The following NOTCH1 variants were observed in gnomAD, a reference collection of about 807,000 sequenced individuals.
The protein encoded by NOTCH1 is neurogenic locus notch homolog protein 1.
In NOTCH1, 37 loss-of-function variants were observed where a neutral mutation model predicts 254.8. That is an observed-to-expected ratio of 0.15 (90% CI 0.11 to 0.19). NOTCH1 has a LOEUF of 0.19. Ranked by LOEUF, NOTCH1 falls within the 10% of genes least tolerant of loss-of-function variation. NOTCH1 has a pLI of 1.00. For missense variants in NOTCH1, 2,972 were observed against 3,708.6 expected, an observed-to-expected ratio of 0.80 and a Z score of 5.16; for synonymous variants, 1,731 against 1,618.1, an observed-to-expected ratio of 1.07 and a Z score of -1.68.
At chr9:136,515,932 G>A in intron 10 of NOTCH1, 49 bp downstream of exon 10, 1 of 1,455,842 alleles carries the variant, frequency 6.9e-7, no homozygotes, top group South Asian at 1.2e-5. Context: ...TGCCCTGAGT[G>A]CCCTGTCCCG....
intron 9 of NOTCH1, 137 bp downstream of exon 9, chr9:136,517,135 G>T (rs1227334630): frequency 3.4e-6 from 2 of 592,010 alleles, no homozygotes; most frequent in East Asian, 5.8e-5. Flanking sequence ...CGAGGGCAGG[G>T]GGTGGGGGCG....
intron 33 of NOTCH1, among the ~76,000 whole-genome samples, chr9:136,497,996 C>T (rs925408124): frequency 2.6e-5 from 4 of 152,184 alleles, no homozygotes; most frequent in African/African-American, 9.7e-5. Context: ...CCACCAAGCT[C>T]CTTCCTGGGG....
intron 1 of NOTCH1, among the ~76,000 whole-genome samples, chr9:136,544,507 C>T (rs953773699): frequency 6.6e-6 from 1 of 152,154 alleles, no homozygotes; most frequent in African/African-American, 2.4e-5. Context: ...CCCCATCCAG[C>T]CGCCGAGATT....
At chr9:136,518,906 C>T (rs1233910619) in intron 5 of NOTCH1, 82 bp from the exon 6 acceptor site, 27 of 1,266,732 alleles carry the variant, frequency 2.1e-5, no homozygotes, top group Non-Finnish European at 2.7e-5. Context: ...GTGGCAATGC[C>T]GCCCCCTCCA....
rs576936303 is a variant in NOTCH1, at chr9:136,523,612, G to A, written c.403+105C>T. On this transcript the variant is annotated intron_variant, in intron 3 of 33. Transcript: ENST00000651671. ...GGGGCAGGGGCTCCCAATTACTTCCGGGTCAGAGACCCGGGCCTGGATCCC... is the reference window on the plus strand; with the variant it reads ...GGGGCAGGGGCTCCCAATTACTTCCAGGTCAGAGACCCGGGCCTGGATCCC... The A allele has an allele frequency of 1.1e-4, 163 of 1,437,582 alleles. 1 individual carries two copies. The highest frequency in any genetic ancestry group is 1.1e-3 in the South Asian group (88 of 79,096). The allele number at this position is 1,437,582 out of a possible 1,614,324, so 89.1% of individuals were successfully genotyped here.
chr9:136,536,187 C>T (rs1483487211), intron 2 of NOTCH1, among the ~76,000 whole-genome samples: 1 of 152,182 alleles, frequency 6.6e-6, no homozygotes, highest in African/African-American at 2.4e-5. Flanking sequence ...GATGCTAACA[C>T]GCACGCATCC....
chr9:136,511,178 G>A lies in NOTCH1; in HGVS notation c.2561C>T (p.Ser854Phe), dbSNP rs1843175525. The A allele has an allele frequency of 6.2e-7, 1 of 1,612,920 alleles. No individual in the cohort carries two copies. The highest frequency in any genetic ancestry group is 8.5e-7 in the Non-Finnish European group (1 of 1,180,000). ...TTGCCAGCCCGTGGGGCAGACACAGGAGAAGCTCTCATAGTCCTCGGATTG... is the reference window on the plus strand; with the variant it reads ...TTGCCAGCCCGTGGGGCAGACACAGAAGAAGCTCTCATAGTCCTCGGATTG... The part of the protein sequence containing the change: ...CRQSEDYESF[S>F]CVCPTGWQGQ... Residue 854 changes from serine (S) to phenylalanine (F), a missense_variant, in exon 16 of 34, where the codon TCC becomes TTC. By Grantham distance (155) the Ser-to-Phe change is radical (BLOSUM62 -2). This residue lies in a region of NOTCH1 where 1,343 missense variants were observed against 1,557.0 expected (regional missense o/e 0.86). Transcript: ENST00000651671.
At position 136,494,570 on chromosome 9, in the gene NOTCH1, A is replaced by C. The variant is rs1299867973; in HGVS notation, c.*1501T>G. ...TGTAAACTACACTCTATTTTATAAAACACAGTAAAAATCAACATCTTGGGA... is the reference window on the plus strand; with the variant it reads ...TGTAAACTACACTCTATTTTATAAACCACAGTAAAAATCAACATCTTGGGA... On this transcript the variant is annotated 3_prime_UTR_variant, in exon 34 of 34. Coordinates refer to ENST00000651671, the MANE Select transcript of NOTCH1 (RefSeq NM_017617.5). 2.5e-6 allele frequency: 1 copy of C among 398,912 alleles called. No homozygotes were observed. Among genetic ancestry groups the C allele is most frequent in the Non-Finnish European group, 4.4e-6 (1 of 226,088 alleles). 24.7% of individuals were successfully genotyped at this position (398,912 alleles called of 1,614,324 possible).
chr9:136,517,505 C>A (rs1843295416), intron 8 of NOTCH1, 120 bp from the exon 9 acceptor site: 1 of 842,390 alleles, frequency 1.2e-6, no homozygotes, highest in Admixed American at 2.1e-5. Context: ...CCACCACGGG[C>A]CCCCTGCGCA....
In NOTCH1 at chr9:136,506,679, G is replaced by A; in HGVS notation, c.3901+37C>T. 6.3e-7 allele frequency: 1 copy of A among 1,594,514 alleles called. No individual in the cohort carries two copies. Among genetic ancestry groups the A allele is most frequent in the Non-Finnish European group, 8.5e-7 (1 of 1,171,318 alleles). ...AGGGCAGTGAGAGGCTCACCCTGCTGCCCCACACGCCCCACCCGCCTGGGC... is the reference window on the plus strand; with the variant it reads ...AGGGCAGTGAGAGGCTCACCCTGCTACCCCACACGCCCCACCCGCCTGGGC... On this transcript the variant is annotated intron_variant, in intron 23 of 33. Coordinates refer to ENST00000651671, the MANE Select transcript of NOTCH1 (RefSeq NM_017617.5). This position sits in a 1 kb window ranked among gnomAD's most constrained non-coding sequence, Gnocchi z 4.5.
chr9:136,497,698 C>T (rs1468230014), intron 33 of NOTCH1, 140 bp from the exon 34 acceptor site: 4 of 671,698 alleles, frequency 6.0e-6, no homozygotes, highest in Non-Finnish European at 7.5e-6. Flanking sequence ...AGGACCCCAC[C>T]CCAGCGTCCT....
rs2133340344 is a variant in NOTCH1 at position 136,505,684 on chromosome 9, C to T, written c.4212G>A (p.Glu1404=). 6.2e-7 allele frequency: 1 copy of T among 1,609,960 alleles called. No homozygotes were observed. The highest frequency in any genetic ancestry group is 1.1e-5 in the South Asian group (1 of 90,852). ...GNPCYNQGTC[E]PTSESPFYRC... The stretch of plus-strand genomic sequence containing the variant: ...GGTAGAAGGGGCTCTCGGATGTGGG[C>T]TCACAGGTCCCCTGGTTGTAGCAGG... The change falls in exon 25 of 34, where the codon GAG becomes GAA. Residue 1404 remains glutamate (E), a synonymous_variant. Transcript: ENST00000651671.
chr9:136,497,645 G>GT, intron 33 of NOTCH1, 87 bp from the exon 34 acceptor site: 1 of 1,209,702 alleles, frequency 8.3e-7, no homozygotes, highest in Non-Finnish European at 1.1e-6. Flanking sequence ...GGAAGCAGCA[G>GT]TACAACCTCC....
chr9:136,518,788 A>G lies in NOTCH1; in HGVS notation c.902T>C (p.Leu301Pro), dbSNP rs1354385699. The change falls in exon 6 of 34, where the codon CTG becomes CCG. Residue 301 changes from leucine (L) to proline (P), a missense_variant. Transcript: ENST00000651671. ...GCCGTTCTGGCAGGCATTTGGCATC[A>G]GCTGGCACTCGTCCACATCCTCGGT... Reference protein sequence around the residue: ...YCTEDVDECQLMPNACQNGGT... With the variant: ...YCTEDVDECQPMPNACQNGGT... 1 of 1,612,852 alleles carries G rather than the reference A, an allele frequency of 6.2e-7. No individual in the cohort carries two copies. Among genetic ancestry groups the G allele is most frequent in the Non-Finnish European group, 8.5e-7 (1 of 1,179,980 alleles).
At chr9:136,527,180 C>A (rs1843475982) in intron 2 of NOTCH1, among the ~76,000 whole-genome samples, 1 of 152,220 alleles carries the variant, frequency 6.6e-6, no homozygotes, top group Non-Finnish European at 1.5e-5. Flanking sequence ...GTACCTCTCT[C>A]CCACATGGCC....
At position 136,545,660 on chromosome 9, in the gene NOTCH1, G is replaced by A; in HGVS notation, c.61+66C>T. The A allele has an allele frequency of 1.5e-6, 2 of 1,316,146 alleles. No individual in the cohort carries two copies. The highest frequency in any genetic ancestry group is 1.4e-5 in the South Asian group (1 of 72,388). 81.5% of individuals were successfully genotyped at this position (1,316,146 alleles called of 1,614,324 possible). On this transcript the variant is annotated intron_variant, in intron 1 of 33. Coordinates refer to ENST00000651671, the MANE Select transcript of NOTCH1 (RefSeq NM_017617.5). This position sits in a 1 kb window ranked among gnomAD's most constrained non-coding sequence, Gnocchi z 6.8. ...CCGCTCCCAGCCGTGGGGCGCGCGC[G>A]CCGGGCGCCGCCAAAGTTTCCAAAG...
rs1843810914 is a variant in NOTCH1 at position 136,545,972 on chromosome 9, C to A, written c.-186G>T. 6.8e-6 allele frequency among the ~76,000 whole-genome samples: 1 copy of A among 147,840 alleles called. No homozygotes were observed. Among genetic ancestry groups the A allele is most frequent in the Non-Finnish European group, 1.5e-5 (1 of 66,488 alleles). Reference sequence around the variant, plus strand: ...GGCCCGGCTCCGCGCCCGGCTCGTTCCTTCGCTGCGCTCGCGCCCGCGCCC... The same window carrying A: ...GGCCCGGCTCCGCGCCCGGCTCGTTACTTCGCTGCGCTCGCGCCCGCGCCC... On this transcript the variant is annotated 5_prime_UTR_variant, in exon 1 of 34. Transcript: ENST00000651671. The surrounding 1 kb of genome is among the most constrained non-coding windows in gnomAD (Gnocchi z 6.8).
Position 136,513,144 on chromosome 9 carries a change from A to C in NOTCH1, c.2354-10T>G. On this transcript the variant is annotated splice_polypyrimidine_tract_variant and intron_variant, in intron 14 of 33. Transcript: ENST00000651671. The surrounding 1 kb of genome is among the most constrained non-coding windows in gnomAD (Gnocchi z 4.7). Reference sequence around the variant, plus strand: ...GTCTGGCAGTTGGGACCTGGAGGGAAGGGGACAGCACTCGGCATGTCCAGC... The same window carrying C: ...GTCTGGCAGTTGGGACCTGGAGGGACGGGGACAGCACTCGGCATGTCCAGC... 1 of 1,605,724 alleles carries C rather than the reference A, an allele frequency of 6.2e-7. No homozygotes were observed. Among genetic ancestry groups the C allele is most frequent in the South Asian group, 1.1e-5 (1 of 90,928 alleles).
At chr9:136,515,810 G>C (rs888366711) in intron 10 of NOTCH1, 94 bp from the exon 11 acceptor site, 39 of 1,285,766 alleles carry the variant, frequency 3.0e-5, no homozygotes, top group Non-Finnish European at 3.9e-5. Context: ...GCCAACCTGA[G>C]GAGGGCTCCG....
Sources: allele counts gnomAD v4.1 joint callset (sites outside exome capture counted in the v4.1 genomes callset), GRCh38; gene constraint gnomAD v4.1.1; regional missense constraint gnomAD v4.1.1; non-coding constraint Gnocchi (gnomAD v3.1); transcripts MANE v1.5; gene names NCBI Gene and HGNC (gene_info 2026-07-23, HGNC 2026-07-21).